Variants in SNRNP200 observed in about 807,000 individuals in gnomAD.
SNRNP200 encodes the protein U5 small nuclear ribonucleoprotein 200 kDa helicase.
A neutral mutation model predicts 255.2 loss-of-function variants in SNRNP200; 66 were observed. The ratio of observed to expected loss-of-function variants is 0.26; its 90% CI spans 0.21 to 0.32. SNRNP200 has a LOEUF of 0.32. Among genes scored for constraint, SNRNP200 ranks in the 10% least tolerant of loss-of-function variants. The probability of loss-of-function intolerance (pLI) is 1.00; values close to 1 mark genes in which losing one functional copy is unlikely to be tolerated. For missense variants in SNRNP200, 1,585 were observed against 2,749.8 expected (o/e 0.58, Z 9.47); for synonymous variants, 939 against 1,027.8 (o/e 0.91, Z 1.65).
At chr2:96,285,366 G>A in intron 29 of SNRNP200, 26 bp from the exon 30 acceptor site, 2 of 1,612,836 alleles carry the variant, frequency 1.2e-6, no homozygotes, top group Non-Finnish European at 1.7e-6. Flanking sequence ...AAGAAGCAGT[G>A]TAAGTATCAA....
chr2:96,298,673 A>G lies in SNRNP200; in HGVS notation c.912T>C (p.Asn304=), dbSNP rs1288656829. 1 of 1,614,156 alleles carries G rather than the reference A, an allele frequency of 6.2e-7. No individual in the cohort carries two copies. Among genetic ancestry groups the G allele is most frequent in the South Asian group, 1.1e-5 (1 of 91,084 alleles). ...TGAAACCAAGCAGCAGAACCAGCTG[A>G]TTTTCACATTCCCGATCATCACTGG... ...KTASDDRECE[N]QLVLLLGFNT... The change falls in exon 8 of 45, where the codon AAT becomes AAC. Residue 304 remains asparagine (N), a synonymous_variant. Transcript: ENST00000323853.
At position 96,277,416 on chromosome 2, in the gene SNRNP200, C is replaced by T. The variant is rs2104330770; in HGVS notation, c.5931+123G>A. On this transcript the variant is annotated intron_variant, in intron 41 of 44. Coordinates refer to ENST00000323853, the MANE Select transcript of SNRNP200 (RefSeq NM_014014.5). This position sits in a 1 kb window ranked among gnomAD's most constrained non-coding sequence, Gnocchi z 4.4. ...CTCTCTAGCATCTCAACAGGGAGCA[C>T]CTTCGGAGGAACCATAACTAAAAGT... The T allele has an allele frequency of 7.5e-7, 1 of 1,334,872 alleles. No homozygotes were observed. The highest frequency in any genetic ancestry group is 1.2e-5 in the South Asian group (1 of 83,632). The allele number at this position is 1,334,872 out of a possible 1,614,324, so 82.7% of individuals were successfully genotyped here.
At chr2:96,281,411 CG>C (rs1401944161) in intron 35 of SNRNP200, 1 of 274,986 alleles carries the variant, frequency 3.6e-6, no homozygotes, top group Non-Finnish European at 7.2e-6. Context: ...TCAAGTGATC[CG>C]CCCGCCTCAG....
Position 96,278,188 on chromosome 2 carries a change from G to A in SNRNP200, c.5610+49C>T, listed in dbSNP as rs538369407. ...GATGCCATGTGCTCTGGGCACACAG[G>A]CCGAGTTTGTTGTTCCCAGGATGCT... On this transcript the variant is annotated intron_variant, in intron 39 of 44. Transcript: ENST00000323853. This position sits in a 1 kb window ranked among gnomAD's most constrained non-coding sequence, Gnocchi z 6.9. 1 of 1,613,726 alleles carries A rather than the reference G, an allele frequency of 6.2e-7. No individual in the cohort carries two copies. Among genetic ancestry groups the A allele is most frequent in the African/African-American group, 1.3e-5 (1 of 75,036 alleles).
chr2:96,295,521 G>A lies in SNRNP200; in HGVS notation c.1809C>T (p.Arg603=). ...WDIITRKGGE[R]TYTQLVRLII... is the part of the protein sequence containing the mutation. ...TGAGCCGCACCAGCTGGGTGTAGGTGCGCTCACCACCCTTGCGGGTGATGA... is the reference window on the plus strand; with the variant it reads ...TGAGCCGCACCAGCTGGGTGTAGGTACGCTCACCACCCTTGCGGGTGATGA... Residue 603 remains arginine, a synonymous_variant, in exon 14 of 45, where the codon CGC becomes CGT. Transcript: ENST00000323853. The A allele has an allele frequency of 1.2e-6, 2 of 1,613,784 alleles. No homozygotes were observed. The highest frequency in any genetic ancestry group is 1.7e-6 in the Non-Finnish European group (2 of 1,179,998).
In SNRNP200 at chr2:96,291,724, G is replaced by A. The variant is rs1448267650; in HGVS notation, c.2310+27C>T. On this transcript the variant is annotated intron_variant, in intron 17 of 44. Coordinates refer to ENST00000323853, the MANE Select transcript of SNRNP200 (RefSeq NM_014014.5). This position sits in a 1 kb window ranked among gnomAD's most constrained non-coding sequence, Gnocchi z 4.2. ...ATGGACACAGCTGCCAGGTAGGAATGAGAGAACCCAGCTGGCCCCTCCTCA... is the reference window on the plus strand; with the variant it reads ...ATGGACACAGCTGCCAGGTAGGAATAAGAGAACCCAGCTGGCCCCTCCTCA... 2.5e-6 allele frequency: 4 copies of A among 1,613,234 alleles called. No individual in the cohort carries two copies. The highest frequency in any genetic ancestry group is 1.3e-5 in the African/African-American group (1 of 74,940).
In SNRNP200 at chr2:96,302,083, A is replaced by G. The variant is rs1172154702; in HGVS notation, c.382-367T>C. Reference sequence around the variant, plus strand: ...TCATAATGGTCCCCAATCTAATCACACATGTGTAATGGTTAGGAACATGGA... The same window carrying G: ...TCATAATGGTCCCCAATCTAATCACGCATGTGTAATGGTTAGGAACATGGA... On this transcript the variant is annotated intron_variant, in intron 3 of 44. Coordinates refer to ENST00000323853, the MANE Select transcript of SNRNP200 (RefSeq NM_014014.5). Among the ~76,000 whole-genome samples the G allele has an allele frequency of 2.6e-5, 4 of 152,192 alleles. No homozygotes were observed. The East Asian group carries it at 7.7e-4, about 29-fold the overall frequency.
intron 14 of SNRNP200, among the ~76,000 whole-genome samples, chr2:96,294,075 C>CA (rs972062519): frequency 5.0e-5 from 7 of 138,968 alleles, no homozygotes; most frequent in African/African-American, 1.9e-4. Context: ...CTTCAAGTAG[C>CA]AAAGCTCTAA....
Position 96,278,372 on chromosome 2 carries a change from G to A in SNRNP200, c.5489-14C>T. On this transcript the variant is annotated splice_polypyrimidine_tract_variant and intron_variant, in intron 38 of 44. Coordinates refer to ENST00000323853, the MANE Select transcript of SNRNP200 (RefSeq NM_014014.5). The surrounding 1 kb of genome is among the most constrained non-coding windows in gnomAD (Gnocchi z 6.9). ...TGCTGAAGAGCTCTGACAGAAAAAG[G>A]AAATGTGAGAGAAGCTAAAACCAGG... 6 of 1,614,150 alleles carry A rather than the reference G, an allele frequency of 3.7e-6. No homozygotes were observed. The highest frequency in any genetic ancestry group is 5.1e-6 in the Non-Finnish European group (6 of 1,180,020).
chr2:96,299,049 C>T (rs754829092), intron 6 of SNRNP200, 82 bp from the exon 7 acceptor site: 19 of 1,571,514 alleles, frequency 1.2e-5, no homozygotes, highest in Non-Finnish European at 1.6e-5. Flanking sequence ...CCAAGTTCTA[C>T]TTGACAATCC....
In SNRNP200 at chr2:96,278,493, T is replaced by C; in HGVS notation, c.5488+54A>G. The C allele has an allele frequency of 2.5e-6, 4 of 1,611,812 alleles. No homozygotes were observed. Among genetic ancestry groups the C allele is most frequent in the Non-Finnish European group, 3.4e-6 (4 of 1,179,774 alleles). ...CGCACCTCTCATCCCAGTGGGCTCCTGACCCGTGTAAAAAGGCTCCCACAG... is the reference window on the plus strand; with the variant it reads ...CGCACCTCTCATCCCAGTGGGCTCCCGACCCGTGTAAAAAGGCTCCCACAG... On this transcript the variant is annotated intron_variant, in intron 38 of 44. Coordinates refer to ENST00000323853, the MANE Select transcript of SNRNP200 (RefSeq NM_014014.5). This position sits in a 1 kb window ranked among gnomAD's most constrained non-coding sequence, Gnocchi z 6.9.
chr2:96,294,665 C>T (rs1207773184), intron 14 of SNRNP200, among the ~76,000 whole-genome samples: 1 of 152,178 alleles, frequency 6.6e-6, no homozygotes, highest in Non-Finnish European at 1.5e-5. Context: ...TCCCAGACAA[C>T]TTAAACTATA....
rs1573996364 is a variant in SNRNP200 at position 96,291,698 on chromosome 2, G to A, written c.2310+53C>T. The A allele has an allele frequency of 1.2e-5, 20 of 1,605,176 alleles. No homozygotes were observed. In the South Asian group the frequency reaches 2.1e-4, roughly 17 times the overall value. On this transcript the variant is annotated intron_variant, in intron 17 of 44. Coordinates refer to ENST00000323853, the MANE Select transcript of SNRNP200 (RefSeq NM_014014.5). The surrounding 1 kb of genome is among the most constrained non-coding windows in gnomAD (Gnocchi z 4.2). ...CCTAGAGGAGCTGTCTGGGGCCTGA[G>A]ATGGACACAGCTGCCAGGTAGGAAT...
Position 96,286,692 on chromosome 2 carries a change from C to G in SNRNP200, c.3825G>C (p.Trp1275Cys). Residue 1275 changes from tryptophan (W) to cysteine (C), a missense_variant, in exon 28 of 45, where the codon TGG becomes TGC. By Grantham distance (215) the Trp-to-Cys change is radical. Around this residue, in one of 9 missense-constraint regions of SNRNP200, gnomAD observed 719 missense variants for 1,091.1 expected, o/e 0.66. Transcript: ENST00000323853. This position sits in a 1 kb window ranked among gnomAD's most constrained non-coding sequence, Gnocchi z 4.8. Reference protein sequence around the residue: ...QYFIRVVSDRWLSCETQLPVS... With the variant: ...QYFIRVVSDRCLSCETQLPVS... ...CTCTGGAGAGGAGACACTCACAGAG[C>G]CAGCGGTCAGACACCACTCGGATGA... The G allele has an allele frequency of 1.2e-6, 2 of 1,613,388 alleles. No homozygotes were observed. The highest frequency in any genetic ancestry group is 1.1e-5 in the South Asian group (1 of 91,052).
intron 3 of SNRNP200, 113 bp from the exon 4 acceptor site, chr2:96,301,829 C>T: frequency 9.7e-7 from 1 of 1,034,256 alleles, no homozygotes; most frequent in Non-Finnish European, 1.5e-6. Context: ...AAACCTGCCA[C>T]ATACTAGGCT....
Position 96,287,191 on chromosome 2 carries a change from G to A in SNRNP200, c.3485-31C>T, listed in dbSNP as rs1456731642. On this transcript the variant is annotated intron_variant, in intron 26 of 44. Coordinates refer to ENST00000323853, the MANE Select transcript of SNRNP200 (RefSeq NM_014014.5). The surrounding 1 kb of genome is among the most constrained non-coding windows in gnomAD (Gnocchi z 5.7). ...AGGAAATGAGAGTACTGAGGCTGCA[G>A]CCCAGCCTGCCTACTATACTGCAAA... 2 of 1,613,890 alleles carry A rather than the reference G, an allele frequency of 1.2e-6. No individual in the cohort carries two copies. Among genetic ancestry groups the A allele is most frequent in the East Asian group, 2.2e-5 (1 of 44,888 alleles).
At chr2:96,303,401 C>G in intron 2 of SNRNP200, 71 bp from the exon 3 acceptor site, 2 of 1,549,748 alleles carry the variant, frequency 1.3e-6, no homozygotes, top group Non-Finnish European at 1.8e-6. Context: ...ATCAAGCCCA[C>G]CCTCCTCTCC....
At chr2:96,294,706 TC>T (rs2104354183) in intron 14 of SNRNP200, among the ~76,000 whole-genome samples, 1 of 152,348 alleles carries the variant, frequency 6.6e-6, no homozygotes, top group East Asian at 1.9e-4. Context: ...TCTGGAAGTT[TC>T]TGTGTATATG....
chr2:96,289,743 TC>T (rs1404365854), intron 21 of SNRNP200, 55 bp downstream of exon 21: 1 of 1,572,066 alleles, frequency 6.4e-7, no homozygotes, highest in African/African-American at 1.4e-5. Context: ...AAAAATTTTT[TC>T]CTGGGCCAAC....
Sources: allele counts gnomAD v4.1 joint callset (sites outside exome capture counted in the v4.1 genomes callset), GRCh38; gene constraint gnomAD v4.1.1; regional missense constraint gnomAD v4.1.1; non-coding constraint Gnocchi (gnomAD v3.1); transcripts MANE v1.5; gene names NCBI Gene and HGNC (gene_info 2026-07-23, HGNC 2026-07-21).